The following FLT1 variants were observed in gnomAD, a reference collection of about 807,000 sequenced individuals.
The protein encoded by FLT1 is fms related receptor tyrosine kinase 1, also known as vascular endothelial growth factor receptor 1.
A neutral mutation model predicts 156.3 loss-of-function variants in FLT1; 49 were observed. That is an observed-to-expected ratio of 0.31 (90% CI 0.25 to 0.40). The LOEUF is 0.40. Ranked by LOEUF, FLT1 falls within the 10% of genes least tolerant of loss-of-function variation. The pLI, the probability that FLT1 is intolerant of heterozygous loss-of-function variation, is 1.00. For missense variants in FLT1, 1,322 were observed against 1,637.2 expected, an observed-to-expected ratio of 0.81 and a Z score of 3.32; for synonymous variants, 594 against 583.8, an observed-to-expected ratio of 1.02 and a Z score of -0.25.
In FLT1 at chr13:28,469,345, C is replaced by A. The variant is rs116022653; in HGVS notation, c.65-1728G>T. Among the ~76,000 whole-genome samples the A allele has an allele frequency of 5.5e-3, 835 of 152,318 alleles. 9 individuals are homozygous for A. Among genetic ancestry groups the A allele is most frequent in the African/African-American group, 0.019 (804 of 41,578 alleles). ...TGTGAGATGATGTGTGTGTCAAATACCCTGGTTATGCCCAGCAGTCCTCTC... is the reference window on the plus strand; with the variant it reads ...TGTGAGATGATGTGTGTGTCAAATAACCTGGTTATGCCCAGCAGTCCTCTC... On this transcript the variant is annotated intron_variant, in intron 1 of 29. Transcript: ENST00000282397.
chr13:28,433,691 G>T, intron 6 of FLT1, 128 bp downstream of exon 6: 1 of 879,724 alleles, frequency 1.1e-6, no homozygotes, highest in Non-Finnish European at 1.9e-6. Flanking sequence ...CAAACCCAAA[G>T]CTTCTTTATT....
chr13:28,364,231 G>A (rs542946716), intron 14 of FLT1, among the ~76,000 whole-genome samples: 1 of 151,974 alleles, frequency 6.6e-6, no homozygotes, highest in African/African-American at 2.4e-5. Flanking sequence ...CTTATTTATT[G>A]AGATGAGGTC....
chr13:28,460,991 T>C (rs687741), intron 3 of FLT1, among the ~76,000 whole-genome samples: 21,308 of 152,064 alleles, frequency 0.14, 2,623 homozygotes, highest in African/African-American at 0.33. Flanking sequence ...GAGACAGGGT[T>C]TCACTACGTT....
At chr13:28,342,952 C>CTCTG in intron 16 of FLT1, among the ~76,000 whole-genome samples, 4 of 145,332 alleles carry the variant, frequency 2.8e-5, no homozygotes, top group Non-Finnish European at 4.6e-5. Flanking sequence ...TTCTTTCTCT[C>CTCTG]TCTCTCTCTC....
rs74896264 is a variant in FLT1, at chr13:28,491,842, C to T, written c.64+2938G>A. Among the ~76,000 whole-genome samples, 535 of 152,260 alleles carry T rather than the reference C, an allele frequency of 3.5e-3. 9 individuals are homozygous for T. The East Asian group carries it at 0.044, about 13-fold the overall frequency. ...TATACTAACGTCTTCATTTTACATA[C>T]GAAAACAAAGTACCCACTTGGTGAT... On this transcript the variant is annotated intron_variant, in intron 1 of 29. Coordinates refer to ENST00000282397, the MANE Select transcript of FLT1 (RefSeq NM_002019.4).
chr13:28,396,375 T>C (rs1009333931), intron 12 of FLT1, among the ~76,000 whole-genome samples: 14 of 152,170 alleles, frequency 9.2e-5, no homozygotes, highest in African/African-American at 3.1e-4. Context: ...TTGAGGGACA[T>C]AGGGAGTGCC....
chr13:28,494,697 AC>A, intron 1 of FLT1, 82 bp downstream of exon 1: 1 of 1,099,930 alleles, frequency 9.1e-7, no homozygotes, highest in South Asian at 1.4e-5. Flanking sequence ...CCCCGCGTGC[AC>A]CCCGCCCTGG....
At chr13:28,380,426 T>C (rs1874028399) in intron 14 of FLT1, among the ~76,000 whole-genome samples, 1 of 152,140 alleles carries the variant, frequency 6.6e-6, no homozygotes, top group South Asian at 2.1e-4. Context: ...AGAAACTATA[T>C]ACATGGGGAA....
Position 28,311,747 on chromosome 13 carries a change from G to A in FLT1, c.3493-15C>T, listed in dbSNP as rs750549806. 6.2e-7 allele frequency: 1 copy of A among 1,613,686 alleles called. No individual in the cohort carries two copies. Among genetic ancestry groups the A allele is most frequent in the South Asian group, 1.1e-5 (1 of 91,064 alleles). On this transcript the variant is annotated splice_polypyrimidine_tract_variant and intron_variant, in intron 26 of 29. Transcript: ENST00000282397. Reference sequence around the variant, plus strand: ...TCTTTACCATCCTAAAATACCAAAGGTAGAGCTCTCGTTGCACCAATTCTG... The same window carrying A: ...TCTTTACCATCCTAAAATACCAAAGATAGAGCTCTCGTTGCACCAATTCTG...
chr13:28,490,985 C>G (rs900669512), intron 1 of FLT1, among the ~76,000 whole-genome samples: 4 of 152,218 alleles, frequency 2.6e-5, no homozygotes, highest in African/African-American at 7.2e-5. Context: ...TATCCCCACC[C>G]ACATACACAT....
At chr13:28,412,332 T>TCTTTCTTTCTCTC (rs376788111) in intron 10 of FLT1, among the ~76,000 whole-genome samples, 1 of 54,184 alleles carries the variant, frequency 1.8e-5, no homozygotes, top group Admixed American at 2.4e-4. Context: ...TTTCTTTCTT[T>TCTTTCTTTCTCTC]TCTTTCTTTC....
rs1872850595 is a variant in FLT1, at chr13:28,355,041, T to C, written c.2248+2513A>G. On this transcript the variant is annotated intron_variant, in intron 15 of 29. Coordinates refer to ENST00000282397, the MANE Select transcript of FLT1 (RefSeq NM_002019.4). ...TAGAGGCATGTAAACATGAGAGAAA[T>C]GGAGAAAATAAAAATAACAGGATCA... Among the ~76,000 whole-genome samples the C allele has an allele frequency of 2.0e-5, 3 of 151,996 alleles. No homozygotes were observed. The South Asian group carries it at 6.2e-4, about 31-fold the overall frequency.
intron 17 of FLT1, among the ~76,000 whole-genome samples, chr13:28,336,170 AAC>A (rs1463992843): frequency 1.3e-5 from 2 of 152,228 alleles, no homozygotes; most frequent in African/African-American, 4.8e-5. Flanking sequence ...TAGCCGTCAC[AAC>A]ACACTTTGTT....
chr13:28,426,130 C>CT (rs113958200), intron 10 of FLT1, among the ~76,000 whole-genome samples: 8,168 of 131,086 alleles, frequency 0.062, 513 homozygotes, highest in African/African-American at 0.15. Flanking sequence ...TCCTGTCAAT[C>CT]TTTTTTTTTT....
chr13:28,327,335 A>C (rs1461841857), intron 20 of FLT1, 127 bp downstream of exon 20: 9 of 691,696 alleles, frequency 1.3e-5, no homozygotes, highest in East Asian at 5.4e-5. Context: ...AAAGGAGAAG[A>C]AGCAGAGATT....
At chr13:28,305,976 T>G (rs1395492840) in intron 29 of FLT1, among the ~76,000 whole-genome samples, 1 of 152,110 alleles carries the variant, frequency 6.6e-6, no homozygotes, top group African/African-American at 2.4e-5. Context: ...GAGGAAAAGG[T>G]TCTGCCTTCG....
rs1441808967 is a variant in FLT1, at chr13:28,322,043, A to C, written c.3051+219T>G. Among the ~76,000 whole-genome samples, 5 of 152,210 alleles carry C rather than the reference A, an allele frequency of 3.3e-5. No homozygotes were observed. The highest frequency in any genetic ancestry group is 6.5e-5 in the Admixed American group (1 of 15,282). On this transcript the variant is annotated intron_variant, in intron 22 of 29. Coordinates refer to ENST00000282397, the MANE Select transcript of FLT1 (RefSeq NM_002019.4). This position sits in a 1 kb window ranked among gnomAD's most constrained non-coding sequence, Gnocchi z 4.3. Reference sequence around the variant, plus strand: ...GCCGATGCCAGGTTTGTCTAGTCTGAAACCTGTGAGTTTTCCCCAGAATTA... The same window carrying C: ...GCCGATGCCAGGTTTGTCTAGTCTGCAACCTGTGAGTTTTCCCCAGAATTA...
At chr13:28,313,744 A>AC (rs1203410522) in intron 25 of FLT1, among the ~76,000 whole-genome samples, 2 of 151,768 alleles carry the variant, frequency 1.3e-5, no homozygotes, top group Non-Finnish European at 2.9e-5. Context: ...AACCTGAGAA[A>AC]CCCTAGTTCA....
chr13:28,345,255 T>C (rs1483296779), intron 16 of FLT1, among the ~76,000 whole-genome samples, 190 bp downstream of exon 16: 1 of 152,180 alleles, frequency 6.6e-6, no homozygotes, highest in African/African-American at 2.4e-5. Flanking sequence ...GCTTTTCTTT[T>C]GAACACCCCC....
Sources: allele counts gnomAD v4.1 joint callset (sites outside exome capture counted in the v4.1 genomes callset), GRCh38; gene constraint gnomAD v4.1.1; non-coding constraint Gnocchi (gnomAD v3.1); transcripts MANE v1.5; gene names NCBI Gene and HGNC (gene_info 2026-07-23, HGNC 2026-07-21).